ATP9B: variants seen among roughly 807,000 people sequenced by gnomAD.
ATP9B encodes ATPase phospholipid transporting 9B.
Under a neutral mutation model 146.1 loss-of-function variants are expected in ATP9B, and 110 were observed. That is an observed-to-expected ratio of 0.75 (90% CI 0.65 to 0.88). The LOEUF is 0.88. Ranked by LOEUF, ATP9B falls within the 40% of genes least tolerant of loss-of-function variation. The probability of loss-of-function intolerance (pLI) is 0.00; values close to 1 mark genes in which losing one functional copy is unlikely to be tolerated. For synonymous variants in ATP9B, 604 were observed against 569.7 expected, an observed-to-expected ratio of 1.06 and a Z score of -0.86; for missense variants, 1,499 against 1,496.4, an observed-to-expected ratio of 1.00 and a Z score of -0.03.
chr18:79,377,155 G>T, intron 29 of ATP9B, 92 bp from the exon 30 acceptor site: 7 of 1,480,830 alleles, frequency 4.7e-6, no homozygotes, highest in Non-Finnish European at 6.5e-6. Flanking sequence ...AGCTTAGACC[G>T]TCTGGTGGCC....
At chr18:79,284,357 G>A (rs1189757931) in intron 13 of ATP9B, among the ~76,000 whole-genome samples, 1 of 152,100 alleles carries the variant, frequency 6.6e-6, no homozygotes, top group African/African-American at 2.4e-5. Flanking sequence ...GGGGGTGTTT[G>A]GGCCAGTTGA....
At chr18:79,199,287 A>G (rs570003800) in intron 9 of ATP9B, among the ~76,000 whole-genome samples, 44 of 152,278 alleles carry the variant, frequency 2.9e-4, no homozygotes, top group African/African-American at 7.0e-4. Flanking sequence ...TAAATTACAC[A>G]AAGTAATTTG....
chr18:79,132,763 G>A (rs1232260423), intron 5 of ATP9B, among the ~76,000 whole-genome samples: 1 of 152,132 alleles, frequency 6.6e-6, no homozygotes, highest in Non-Finnish European at 1.5e-5. Context: ...GTAGTTTGCT[G>A]GACCATATTT....
chr18:79,334,060 T>C (rs576185539), intron 17 of ATP9B, among the ~76,000 whole-genome samples: 1 of 152,148 alleles, frequency 6.6e-6, no homozygotes, highest in African/African-American at 2.4e-5. Context: ...TTAGCCCTAA[T>C]AAGTTGAAAC....
At chr18:79,079,562 A>G (rs897895722) in intron 1 of ATP9B, among the ~76,000 whole-genome samples, 4 of 152,070 alleles carry the variant, frequency 2.6e-5, no homozygotes, top group East Asian at 1.9e-4. Context: ...TGTCAGATGG[A>G]TAGATTGCAA....
chr18:79,342,289 A>C lies in ATP9B; in HGVS notation c.2305A>C (p.Lys769Gln). ...CTAGATATGGATGCTAACAGGCGAT[A>C]AACTCGAGACAGCTACCTGCATTGC... The part of the protein sequence containing the change: ...GIKIWMLTGD[K>Q]LETATCIAKS... Residue 769 changes from lysine (K) to glutamine (Q), a missense_variant, in exon 20 of 30, where the codon AAA (lysine) becomes CAA (glutamine). Transcript: ENST00000426216. 1 of 1,613,544 alleles carries C rather than the reference A, an allele frequency of 6.2e-7. No homozygotes were observed. Among genetic ancestry groups the C allele is most frequent in the Non-Finnish European group, 8.5e-7 (1 of 1,179,614 alleles).
At chr18:79,332,399 A>AGTCTG (rs1555856167) in intron 17 of ATP9B, among the ~76,000 whole-genome samples, 12 of 152,388 alleles carry the variant, frequency 7.9e-5, no homozygotes, top group Non-Finnish European at 8.8e-5. Context: ...ACTGCACTCC[A>AGTCTG]GCCTGGGCGA....
intron 23 of ATP9B, among the ~76,000 whole-genome samples, chr18:79,346,862 C>T (rs535356047): frequency 9.9e-5 from 15 of 152,242 alleles, no homozygotes; most frequent in Non-Finnish European, 1.9e-4. Context: ...TGGTGTGTCC[C>T]GGGCACTGAA....
intron 19 of ATP9B, among the ~76,000 whole-genome samples, chr18:79,341,137 G>A (rs993417203): frequency 6.6e-6 from 1 of 152,198 alleles, no homozygotes; most frequent in Non-Finnish European, 1.5e-5. Context: ...TTGGATGTGT[G>A]TAGCGTGACC....
At chr18:79,199,715 G>A (rs2095448340) in intron 9 of ATP9B, among the ~76,000 whole-genome samples, 1 of 150,706 alleles carries the variant, frequency 6.6e-6, no homozygotes, top group Non-Finnish European at 1.5e-5. Flanking sequence ...AGTGAGCTGA[G>A]ATTGTGCCAC....
At chr18:79,315,291 G>A (rs1052108110) in intron 15 of ATP9B, among the ~76,000 whole-genome samples, 7 of 152,086 alleles carry the variant, frequency 4.6e-5, no homozygotes, top group African/African-American at 1.7e-4. Context: ...CTAATTGTGG[G>A]GTTTTGTCAG....
rs1193475726 is a variant in ATP9B at position 79,307,224 on chromosome 18, G to T, written c.1763G>T (p.Ser588Ile). The T allele has an allele frequency of 6.2e-7, 1 of 1,614,184 alleles. No individual in the cohort carries two copies. Among genetic ancestry groups the T allele is most frequent in the Admixed American group, 1.7e-5 (1 of 60,026 alleles). Residue 588 changes from serine to isoleucine, a missense_variant, in exon 15 of 30, where the codon AGC (serine) becomes ATC (isoleucine). Coordinates refer to ENST00000426216, the MANE Select transcript of ATP9B (RefSeq NM_198531.5). ...SDENRTYQAS[S>I]PDEVALVQWT... ...GAGAATCGCACCTACCAGGCTTCCAGCCCGGATGAGGTCAGTCAAAGCACA... is the reference window on the plus strand; with the variant it reads ...GAGAATCGCACCTACCAGGCTTCCATCCCGGATGAGGTCAGTCAAAGCACA...
chr18:79,270,081 C>G (rs1447537573), intron 12 of ATP9B, among the ~76,000 whole-genome samples: 4 of 152,214 alleles, frequency 2.6e-5, no homozygotes, highest in Non-Finnish European at 5.9e-5. Flanking sequence ...CTTGTCTTTG[C>G]CATTCCTTTC....
At chr18:79,141,524 T>G (rs1043668866) in intron 5 of ATP9B, among the ~76,000 whole-genome samples, 2 of 152,244 alleles carry the variant, frequency 1.3e-5, no homozygotes, top group African/African-American at 4.8e-5. Context: ...GTCATTAGAT[T>G]TAAATACTAG....
At chr18:79,073,731 A>G (rs954777058) in intron 1 of ATP9B, among the ~76,000 whole-genome samples, 1 of 152,218 alleles carries the variant, frequency 6.6e-6, no homozygotes, top group Non-Finnish European at 1.5e-5. Context: ...TCTCCACTCT[A>G]TTCTCAATCT....
chr18:79,195,479 T>C (rs1256273749), intron 9 of ATP9B, among the ~76,000 whole-genome samples: 1 of 152,156 alleles, frequency 6.6e-6, no homozygotes, highest in Non-Finnish European at 1.5e-5. Context: ...AAAAAATTTC[T>C]AAAAGCAAGG....
intron 5 of ATP9B, among the ~76,000 whole-genome samples, chr18:79,139,481 A>G (rs1422726008): frequency 2.0e-5 from 3 of 152,282 alleles, no homozygotes; most frequent in Admixed American, 2.0e-4. Flanking sequence ...TTTCAGCTCC[A>G]TTATCATCTT....
At position 79,239,147 on chromosome 18, in the gene ATP9B, G is replaced by C. The variant is rs1288502128; in HGVS notation, c.1108-14234G>C. On this transcript the variant is annotated intron_variant, in intron 11 of 29. Transcript: ENST00000426216. The surrounding 1 kb of genome is among the most constrained non-coding windows in gnomAD (Gnocchi z 5.1). Reference sequence around the variant, plus strand: ...ATGGCGTCTCAGGCAGAGAACAGATGTGCCCAGATCCAAGGTGGGATGGTG... The same window carrying C: ...ATGGCGTCTCAGGCAGAGAACAGATCTGCCCAGATCCAAGGTGGGATGGTG... Among the ~76,000 whole-genome samples the C allele has an allele frequency of 6.6e-6, 1 of 152,104 alleles. No individual in the cohort carries two copies. Among genetic ancestry groups the C allele is most frequent in the Admixed American group, 6.5e-5 (1 of 15,280 alleles).
Position 79,167,977 on chromosome 18 carries a change from G to T in ATP9B, c.779-8836G>T, listed in dbSNP as rs117199875. Among the ~76,000 whole-genome samples the T allele has an allele frequency of 1.2e-3, 179 of 152,334 alleles. 3 individuals carry two copies. The highest frequency in any genetic ancestry group is 1.9e-3 in the Non-Finnish European group (130 of 68,024). On this transcript the variant is annotated intron_variant, in intron 7 of 29. Coordinates refer to ENST00000426216, the MANE Select transcript of ATP9B (RefSeq NM_198531.5). Reference sequence around the variant, plus strand: ...TGTTGGCGCCCAAAGTCTGGAGAGGGCCAAGCCGGCAGAGTGCCAGGCATG... The same window carrying T: ...TGTTGGCGCCCAAAGTCTGGAGAGGTCCAAGCCGGCAGAGTGCCAGGCATG...
Sources: allele counts gnomAD v4.1 joint callset (sites outside exome capture counted in the v4.1 genomes callset), GRCh38; gene constraint gnomAD v4.1.1; non-coding constraint Gnocchi (gnomAD v3.1); transcripts MANE v1.5; gene names NCBI Gene and HGNC (gene_info 2026-07-23, HGNC 2026-07-21).